EPM2A: variants seen among roughly 807,000 people sequenced by gnomAD.
The protein encoded by EPM2A is EPM2A glucan phosphatase, laforin.
Under a neutral mutation model 26.5 loss-of-function variants are expected in EPM2A, and 21 were observed. The ratio of observed to expected loss-of-function variants is 0.79; its 90% CI spans 0.56 to 1.14. The LOEUF is 1.14. EPM2A is among the 50% of genes most tolerant of loss of function. EPM2A has a pLI of 0.00. For synonymous variants in EPM2A, 217 were observed against 177.6 expected, an observed-to-expected ratio of 1.22 and a Z score of -1.76; for missense variants, 458 against 440.8, an observed-to-expected ratio of 1.04 and a Z score of -0.35.
intron 3 of EPM2A, chr6:145,629,639 G>C (rs560741768): frequency 6.6e-6 from 1 of 152,402 alleles, no homozygotes; most frequent in African/African-American, 2.4e-5. Context: ...GGTATGAGGG[G>C]TTCACTCCAG....
chr6:145,404,940 G>T (rs1778546313), intron 4 of EPM2A, among the ~76,000 whole-genome samples: 1 of 152,076 alleles, frequency 6.6e-6, no homozygotes, highest in African/African-American at 2.4e-5. Context: ...TTTCCTAAAA[G>T]ATGTAAATAC....
chr6:145,415,752 T>C (rs905120435), intron 4 of EPM2A, among the ~76,000 whole-genome samples: 7 of 152,192 alleles, frequency 4.6e-5, no homozygotes, highest in Non-Finnish European at 8.8e-5. Context: ...TGTTCCTCAC[T>C]CTTCAGAAAC....
At chr6:145,484,495 C>A (rs1300728371) in intron 4 of EPM2A, among the ~76,000 whole-genome samples, 1 of 151,940 alleles carries the variant, frequency 6.6e-6, no homozygotes, top group Non-Finnish European at 1.5e-5. Flanking sequence ...TATATACATA[C>A]CAAAGAATCA....
At chr6:145,542,754 G>T (rs118031846) in intron 2 of EPM2A, among the ~76,000 whole-genome samples, 2 of 151,742 alleles carry the variant, frequency 1.3e-5, no homozygotes, top group East Asian at 1.9e-4. Context: ...TTCTGTTTTT[G>T]GTTTTGTTTT....
intron 2 of EPM2A, among the ~76,000 whole-genome samples, chr6:145,683,167 T>C (rs914448042): frequency 6.6e-6 from 1 of 151,998 alleles, no homozygotes; most frequent in Non-Finnish European, 1.5e-5. Flanking sequence ...CTGAAACAAC[T>C]GAAGGTGCAT....
intron 2 of EPM2A, among the ~76,000 whole-genome samples, chr6:145,657,279 G>A (rs938279057): frequency 2.6e-5 from 4 of 151,816 alleles, no homozygotes; most frequent in African/African-American, 4.8e-5. Flanking sequence ...TGGTAGAGAC[G>A]GAGTTTCACC....
downstream of EPM2A, among the ~76,000 whole-genome samples, chr6:145,622,248 T>C (rs1775653603): frequency 6.6e-6 from 1 of 152,250 alleles, no homozygotes. Flanking sequence ...TCTGTCTGTC[T>C]CTGACTACTC....
chr6:145,670,904 A>G, intron 2 of EPM2A: 3 of 985,358 alleles, frequency 3.0e-6, no homozygotes, highest in Non-Finnish European at 3.6e-6. Flanking sequence ...AATAAAAATC[A>G]TTCCCCAGTC....
At chr6:145,470,982 G>C (rs1328470895) in intron 4 of EPM2A, among the ~76,000 whole-genome samples, 1 of 152,164 alleles carries the variant, frequency 6.6e-6, no homozygotes, top group Non-Finnish European at 1.5e-5. Flanking sequence ...GTTTTGGGTA[G>C]GATGTGGTCT....
At chr6:145,701,039 C>T (rs1781882451) in intron 1 of EPM2A, among the ~76,000 whole-genome samples, 1 of 152,150 alleles carries the variant, frequency 6.6e-6, no homozygotes, top group South Asian at 2.1e-4. Flanking sequence ...TGACCAAATA[C>T]AATCTTTAAA....
chr6:145,401,365 A>G (rs1020374265), intron 4 of EPM2A, among the ~76,000 whole-genome samples: 2 of 152,176 alleles, frequency 1.3e-5, no homozygotes, highest in African/African-American at 4.8e-5. Context: ...TCTGGTGCCT[A>G]GAATGGCAAA....
chr6:145,654,802 C>G (rs1778143970), intron 2 of EPM2A, among the ~76,000 whole-genome samples: 1 of 152,192 alleles, frequency 6.6e-6, no homozygotes, highest in East Asian at 1.9e-4. Context: ...TAGTTTGAGT[C>G]CTGTATTTCA....
At chr6:145,664,585 T>A (rs1250959441) in intron 2 of EPM2A, among the ~76,000 whole-genome samples, 1 of 150,766 alleles carries the variant, frequency 6.6e-6, no homozygotes. Flanking sequence ...CACCCCACTG[T>A]CAATATTAGA....
intron 2 of EPM2A, among the ~76,000 whole-genome samples, chr6:145,516,308 A>G (rs1240191340): frequency 6.6e-6 from 1 of 152,188 alleles, no homozygotes; most frequent in Non-Finnish European, 1.5e-5. Context: ...AGGTGAAATA[A>G]TTTCTAGGAA....
At chr6:145,666,020 T>C (rs1268773459) in intron 2 of EPM2A, among the ~76,000 whole-genome samples, 7 of 146,994 alleles carry the variant, frequency 4.8e-5, no homozygotes, top group Non-Finnish European at 9.0e-5. Flanking sequence ...TATTTCAAAA[T>C]AATAAGAGCT....
chr6:145,415,058 C>T (rs980206852), intron 4 of EPM2A, among the ~76,000 whole-genome samples: 20 of 152,180 alleles, frequency 1.3e-4, no homozygotes, highest in Non-Finnish European at 2.1e-4. Context: ...CTGGATCATG[C>T]TCTGACCACG....
intron 2 of EPM2A, among the ~76,000 whole-genome samples, chr6:145,651,408 A>G (rs1777871624): frequency 6.6e-6 from 1 of 152,158 alleles, no homozygotes; most frequent in Admixed American, 6.6e-5. Flanking sequence ...TTTTCCTCTT[A>G]GATGTAATTT....
chr6:145,593,420 G>C (rs913187201), intron 2 of EPM2A, among the ~76,000 whole-genome samples: 2 of 152,038 alleles, frequency 1.3e-5, no homozygotes, highest in Non-Finnish European at 1.5e-5. Flanking sequence ...ACAACACTGT[G>C]AATCAACTCG....
At chr6:145,389,079 C>A (rs189614947) in intron 4 of EPM2A, among the ~76,000 whole-genome samples, 1 of 152,200 alleles carries the variant, frequency 6.6e-6, no homozygotes, top group African/African-American at 2.4e-5. Context: ...CTTGAGGAAT[C>A]GCCACACTAA....
Sources: gnomAD v4.1 joint callset for allele counts (sites outside exome capture counted in the v4.1 genomes callset) on GRCh38, gnomAD v4.1.1 for gene constraint, MANE v1.5 for transcripts, NCBI Gene and HGNC (gene_info 2026-07-23, HGNC 2026-07-21) for gene names.